CREB5: variants seen among roughly 807,000 people sequenced by gnomAD.
The protein encoded by CREB5 is cAMP responsive element binding protein 5.
CREB5 carries 19 observed loss-of-function variants against 57.1 expected under a neutral mutation model. The ratio of observed to expected loss-of-function variants is 0.33; its 90% CI spans 0.23 to 0.49. The LOEUF (loss-of-function observed/expected upper bound fraction) is 0.49, where lower values mean the gene tolerates loss of function less well. Ranked by LOEUF, CREB5 falls within the 20% of genes least tolerant of loss-of-function variation. The probability of loss-of-function intolerance (pLI) is 0.99; values close to 1 mark genes in which losing one functional copy is unlikely to be tolerated. For missense variants in CREB5, 579 were observed against 671.6 expected, an observed-to-expected ratio of 0.86 and a Z score of 1.52; for synonymous variants, 238 against 238.3, an observed-to-expected ratio of 1.00 and a Z score of 0.01.
At chr7:28,668,824 G>A (rs1480704889) in intron 5 of CREB5, among the ~76,000 whole-genome samples, 2 of 152,200 alleles carry the variant, frequency 1.3e-5, no homozygotes, top group Admixed American at 1.3e-4. Flanking sequence ...GTGAGTGAGA[G>A]TGTGAAGTTT....
chr7:28,746,811 G>A (rs957573305), intron 7 of CREB5, among the ~76,000 whole-genome samples: 1 of 152,158 alleles, frequency 6.6e-6, no homozygotes, highest in African/African-American at 2.4e-5. Flanking sequence ...AATAGTTTAT[G>A]AGGTAATTCG....
chr7:28,390,367 C>T (rs1787192443), intron 1 of CREB5, among the ~76,000 whole-genome samples: 2 of 152,194 alleles, frequency 1.3e-5, no homozygotes, highest in African/African-American at 4.8e-5. Context: ...GGCAAACCTT[C>T]ACAGAAAACA....
At chr7:28,789,411 C>T (rs985172961) in intron 7 of CREB5, among the ~76,000 whole-genome samples, 1 of 152,150 alleles carries the variant, frequency 6.6e-6, no homozygotes, top group African/African-American at 2.4e-5. Context: ...ATCTTTCAGT[C>T]CCCTCTCCCC....
At chr7:28,447,918 T>A (rs141627651) in intron 1 of CREB5, among the ~76,000 whole-genome samples, 59 of 152,308 alleles carry the variant, frequency 3.9e-4, no homozygotes, top group African/African-American at 1.4e-3. Flanking sequence ...GTGAGAGGAC[T>A]TTTTGGGAGA....
chr7:28,320,251 A>C (rs1023392291), intron 1 of CREB5, among the ~76,000 whole-genome samples: 51 of 152,092 alleles, frequency 3.4e-4, no homozygotes, highest in African/African-American at 1.2e-3. Flanking sequence ...ATCTTGATGT[A>C]ACACCAATCC....
At chr7:28,705,714 G>A (rs1264553157) in intron 5 of CREB5, among the ~76,000 whole-genome samples, 1 of 152,204 alleles carries the variant, frequency 6.6e-6, no homozygotes, top group Non-Finnish European at 1.5e-5. Context: ...GAATAGGACT[G>A]TCTGAGGAAT....
chr7:28,304,406 T>C (rs1055615705), intron 1 of CREB5, among the ~76,000 whole-genome samples: 2 of 152,212 alleles, frequency 1.3e-5, no homozygotes, highest in African/African-American at 4.8e-5. Context: ...CCATTTATAG[T>C]AGATATTTCA....
intron 4 of CREB5, among the ~76,000 whole-genome samples, chr7:28,518,845 G>C (rs1793086006): frequency 6.6e-6 from 1 of 152,192 alleles, no homozygotes; most frequent in South Asian, 2.1e-4. Flanking sequence ...CTCAGGACGA[G>C]GGCAAGAAGT....
intron 5 of CREB5, among the ~76,000 whole-genome samples, chr7:28,714,620 G>A (rs1203723996): frequency 1.3e-5 from 2 of 152,204 alleles, no homozygotes; most frequent in South Asian, 4.1e-4. Context: ...GAAATCGCTT[G>A]CTGCGGTGCC....
At chr7:28,647,292 C>G (rs1798925423) in intron 5 of CREB5, among the ~76,000 whole-genome samples, 2 of 151,810 alleles carry the variant, frequency 1.3e-5, no homozygotes, top group Non-Finnish European at 2.9e-5. Flanking sequence ...CTCACTTGTC[C>G]TGGAGTCACA....
chr7:28,768,636 G>A (rs186673941), intron 7 of CREB5, among the ~76,000 whole-genome samples: 173 of 152,264 alleles, frequency 1.1e-3, no homozygotes, highest in Non-Finnish European at 1.9e-3. Flanking sequence ...GTGTTTGAGG[G>A]AAGAAGAATT....
intron 1 of CREB5, among the ~76,000 whole-genome samples, chr7:28,407,166 C>G (rs886294076): frequency 6.6e-6 from 1 of 152,132 alleles, no homozygotes; most frequent in Admixed American, 6.5e-5. Context: ...TCTCCTGCCT[C>G]AGCCTCTCGA....
At chr7:28,534,139 C>T (rs170062) in intron 4 of CREB5, among the ~76,000 whole-genome samples, 71,400 of 152,046 alleles carry the variant, frequency 0.47, 17,306 homozygotes, top group South Asian at 0.56. Context: ...AAAATAAGGA[C>T]GCTTTGATCC....
At chr7:28,594,513 T>C (rs1407378369) in intron 5 of CREB5, among the ~76,000 whole-genome samples, 1 of 152,112 alleles carries the variant, frequency 6.6e-6, no homozygotes, top group Non-Finnish European at 1.5e-5. Context: ...TCTAGAAAAG[T>C]TTTAAGCCCT....
At chr7:28,772,735 T>C (rs142267187) in intron 7 of CREB5, among the ~76,000 whole-genome samples, 26 of 152,354 alleles carry the variant, frequency 1.7e-4, no homozygotes, top group African/African-American at 5.5e-4. Flanking sequence ...AACTAACTGC[T>C]ATCTGGAGAG....
At chr7:28,753,707 C>T (rs966318986) in intron 7 of CREB5, among the ~76,000 whole-genome samples, 1 of 152,032 alleles carries the variant, frequency 6.6e-6, no homozygotes, top group Non-Finnish European at 1.5e-5. Context: ...TATGCATTCA[C>T]ACACATATTT....
chr7:28,393,693 T>G (rs1243925216), intron 1 of CREB5, among the ~76,000 whole-genome samples: 5 of 152,200 alleles, frequency 3.3e-5, no homozygotes, highest in Admixed American at 2.0e-4. Context: ...GTGAAAGGAA[T>G]GAGAGCAACA....
chr7:28,413,160 C>T (rs1316645636), intron 1 of CREB5, among the ~76,000 whole-genome samples: 1 of 150,366 alleles, frequency 6.7e-6, no homozygotes, highest in Non-Finnish European at 1.5e-5. Context: ...AAAATATGTT[C>T]AGAAGCATAT....
intron 4 of CREB5, among the ~76,000 whole-genome samples, chr7:28,508,123 T>C (rs1399309769): frequency 6.6e-6 from 1 of 152,224 alleles, no homozygotes; most frequent in East Asian, 1.9e-4. Context: ...CTGTTTTCGA[T>C]AATCTTTCCA....
Sources: allele counts gnomAD v4.1 joint callset (sites outside exome capture counted in the v4.1 genomes callset), GRCh38; gene constraint gnomAD v4.1.1; transcripts MANE v1.5; gene names NCBI Gene and HGNC (gene_info 2026-07-23, HGNC 2026-07-21).